PTPN13: variants seen among roughly 807,000 people sequenced by gnomAD.
PTPN13 encodes tyrosine-protein phosphatase non-receptor type 13.
Under a neutral mutation model 284.0 loss-of-function variants are expected in PTPN13, and 191 were observed. The observed-to-expected ratio is 0.67, with a 90% CI of 0.60 to 0.76. The LOEUF (loss-of-function observed/expected upper bound fraction) is 0.76, where lower values mean the gene tolerates loss of function less well. Ranked by LOEUF, PTPN13 falls within the 30% of genes least tolerant of loss-of-function variation. PTPN13 has a pLI of 0.00. For synonymous variants in PTPN13, 986 were observed against 1,022.3 expected, an observed-to-expected ratio of 0.96 and a Z score of 0.68; for missense variants, 2,797 against 2,939.9, an observed-to-expected ratio of 0.95 and a Z score of 1.12.
At chr4:86,752,590 A>C (rs918674177) in intron 19 of PTPN13, among the ~76,000 whole-genome samples, 1 of 152,190 alleles carries the variant, frequency 6.6e-6, no homozygotes. Context: ...TTTGGTCTAC[A>C]TGAAAATTCA....
intron 35 of PTPN13, among the ~76,000 whole-genome samples, chr4:86,779,628 A>C (rs1337498838): frequency 6.6e-6 from 1 of 152,124 alleles, no homozygotes; most frequent in Non-Finnish European, 1.5e-5. Context: ...CGGCCCAGAT[A>C]AAAAGAGGTC....
intron 17 of PTPN13, among the ~76,000 whole-genome samples, chr4:86,749,174 C>A (rs1228087157): frequency 6.6e-6 from 1 of 152,014 alleles, no homozygotes; most frequent in East Asian, 1.9e-4. Flanking sequence ...AATTATTAAT[C>A]TTCCTAGGAA....
intron 9 of PTPN13, among the ~76,000 whole-genome samples, chr4:86,721,438 T>A (rs1475128844): frequency 2.0e-5 from 3 of 151,984 alleles, no homozygotes; most frequent in South Asian, 2.1e-4. Flanking sequence ...AAGTAGCCAA[T>A]AAACCATGAA....
At chr4:86,742,680 T>C (rs1488611683) in intron 16 of PTPN13, among the ~76,000 whole-genome samples, 1 of 152,184 alleles carries the variant, frequency 6.6e-6, no homozygotes, top group East Asian at 1.9e-4. Flanking sequence ...CCAGATTATA[T>C]GTTCTCCAGA....
At chr4:86,636,963 T>C (rs1229957117) in intron 2 of PTPN13, among the ~76,000 whole-genome samples, 10 of 150,208 alleles carry the variant, frequency 6.7e-5, no homozygotes, top group Admixed American at 4.6e-4. Context: ...GAGAGAAGAA[T>C]CAAATAGACG....
intron 1 of PTPN13, among the ~76,000 whole-genome samples, chr4:86,613,728 C>T (rs1384529323): frequency 2.0e-5 from 3 of 151,926 alleles, no homozygotes; most frequent in African/African-American, 7.3e-5. Context: ...TGCGAGCAAG[C>T]CTGCTATGTT....
rs1414773671 is a variant in PTPN13 at position 86,714,537 on chromosome 4, G to A, written c.1196-1993G>A. On this transcript the variant is annotated intron_variant, in intron 7 of 47. Coordinates refer to ENST00000411767, the MANE Select transcript of PTPN13 (RefSeq NM_080683.3). ...AAATCAAGCACAGACATTCTTCTGT[G>A]GGGGGGAAAATCTATTTTTTTAACC... 4.6e-5 allele frequency among the ~76,000 whole-genome samples: 7 copies of A among 151,406 alleles called. No homozygotes were observed. In the East Asian group the frequency reaches 1.4e-3, roughly 29 times the overall value.
At chr4:86,633,923 G>T (rs1722738026) in intron 1 of PTPN13, among the ~76,000 whole-genome samples, 1 of 152,110 alleles carries the variant, frequency 6.6e-6, no homozygotes, top group Non-Finnish European at 1.5e-5. Flanking sequence ...AACGCTTTTG[G>T]CTTTTTTAAA....
chr4:86,769,209 C>T (rs995755977), intron 28 of PTPN13, among the ~76,000 whole-genome samples: 20 of 152,196 alleles, frequency 1.3e-4, no homozygotes, highest in Admixed American at 7.9e-4. Context: ...TTTATTTCCA[C>T]ATAACCTCCT....
intron 33 of PTPN13, 100 bp downstream of exon 33, chr4:86,774,631 G>A (rs1190976708): frequency 1.2e-5 from 13 of 1,100,240 alleles, no homozygotes; most frequent in African/African-American, 3.3e-5. Context: ...TTATCTATTC[G>A]GTTTATGCTT....
chr4:86,796,806 G>T, intron 40 of PTPN13, 68 bp from the exon 41 acceptor site: 2 of 1,008,620 alleles, frequency 2.0e-6, no homozygotes, highest in Non-Finnish European at 3.0e-6. Context: ...TAACTAACAG[G>T]AAAAAAATAG....
Position 86,764,609 on chromosome 4 carries a change from T to C in PTPN13, c.4034T>C (p.Val1345Ala). 2.6e-6 allele frequency: 4 copies of C among 1,520,828 alleles called. No individual in the cohort carries two copies. The highest frequency in any genetic ancestry group is 3.5e-6 in the Non-Finnish European group (4 of 1,132,172). 94.2% of individuals were successfully genotyped at this position (1,520,828 alleles called of 1,614,324 possible). A position where few individuals can be genotyped will look rare whatever the true frequency, so the allele number is the denominator to read the frequency against. The stretch of plus-strand genomic sequence containing the variant: ...TTTGTTAAGGAATCTTCCTCTTCAG[T>C]GAATACATCCAACAAGATGAATTTT... Reference protein sequence around the residue: ...QTPKQESSSSVNTSNKMNFKT... With the variant: ...QTPKQESSSSANTSNKMNFKT... The change falls in exon 25 of 48, where the codon GTG (valine) becomes GCG (alanine). Residue 1345 changes from valine to alanine, a missense_variant. Physicochemically the swap from Val to Ala is moderately conservative, Grantham distance 64. Coordinates refer to ENST00000411767, the MANE Select transcript of PTPN13 (RefSeq NM_080683.3).
intron 2 of PTPN13, among the ~76,000 whole-genome samples, chr4:86,653,620 C>G (rs891612220): frequency 6.6e-6 from 1 of 151,836 alleles, no homozygotes; most frequent in African/African-American, 2.4e-5. Context: ...AATTTCAAAC[C>G]ATTGTTTTCA....
At chr4:86,732,149 C>A (rs1735016989) in intron 10 of PTPN13, among the ~76,000 whole-genome samples, 1 of 152,098 alleles carries the variant, frequency 6.6e-6, no homozygotes, top group Non-Finnish European at 1.5e-5. Context: ...TTATGTTTGA[C>A]ATCAATAGTA....
At chr4:86,770,231 A>G (rs1282506494) in intron 30 of PTPN13, 32 bp downstream of exon 30, 1 of 1,557,340 alleles carries the variant, frequency 6.4e-7, no homozygotes, top group East Asian at 2.3e-5. Context: ...TTACAGTTTT[A>G]TAGAATATCA....
intron 7 of PTPN13, among the ~76,000 whole-genome samples, chr4:86,702,993 A>G (rs1458495208): frequency 2.6e-5 from 4 of 152,156 alleles, no homozygotes; most frequent in African/African-American, 4.8e-5. Flanking sequence ...AGTTTCAGGC[A>G]TAGCTCTGGA....
At chr4:86,614,785 T>C (rs1292735707) in intron 1 of PTPN13, among the ~76,000 whole-genome samples, 2 of 152,144 alleles carry the variant, frequency 1.3e-5, no homozygotes, top group Non-Finnish European at 2.9e-5. Flanking sequence ...ACCTCTAACA[T>C]TAGACTGCTA....
intron 8 of PTPN13, among the ~76,000 whole-genome samples, 185 bp from the exon 9 acceptor site, chr4:86,716,836 GATA>G (rs1389337034): frequency 3.3e-5 from 5 of 152,250 alleles, no homozygotes; most frequent in East Asian, 1.9e-4. Flanking sequence ...TCATTACAGA[GATA>G]ATAATTCATT....
chr4:86,665,059 A>G (rs1337904003), intron 2 of PTPN13, among the ~76,000 whole-genome samples: 1 of 152,110 alleles, frequency 6.6e-6, no homozygotes, highest in Non-Finnish European at 1.5e-5. Flanking sequence ...ACTAATATAG[A>G]TTGTCTGTAT....
Sources: gnomAD v4.1 joint callset for allele counts (sites outside exome capture counted in the v4.1 genomes callset) on GRCh38, gnomAD v4.1.1 for gene constraint, MANE v1.5 for transcripts, NCBI Gene and HGNC (gene_info 2026-07-23, HGNC 2026-07-21) for gene names.